The following HIP1 variants were observed in gnomAD, a reference collection of about 807,000 sequenced individuals.
HIP1 encodes huntingtin interacting protein 1.
Under a neutral mutation model 147.6 loss-of-function variants are expected in HIP1, and 65 were observed. The ratio of observed to expected loss-of-function variants is 0.44; its 90% confidence interval spans 0.36 to 0.54. The LOEUF is 0.54. Ranked by LOEUF, HIP1 falls within the 20% of genes least tolerant of loss-of-function variation. HIP1 has a pLI of 0.00. For synonymous variants in HIP1, 479 were observed against 504.0 expected, an observed-to-expected ratio of 0.95 and a Z score of 0.67; for missense variants, 1,061 against 1,299.6, an observed-to-expected ratio of 0.82 and a Z score of 2.82.
chr7:75,664,672 G>A (rs374073549), intron 1 of HIP1, among the ~76,000 whole-genome samples: 1 of 151,998 alleles, frequency 6.6e-6, no homozygotes, highest in African/African-American at 2.4e-5. Flanking sequence ...CCAGGCTGGA[G>A]TGCAGTAGTA....
chr7:75,660,704 TG>T (rs1464723663), intron 1 of HIP1, among the ~76,000 whole-genome samples: 1 of 152,116 alleles, frequency 6.6e-6, no homozygotes, highest in African/African-American at 2.4e-5. Flanking sequence ...GCACGTGGTT[TG>T]TTGGCCTCCT....
chr7:75,553,390 C>G, intron 22 of HIP1, 63 bp downstream of exon 22: 1 of 1,566,336 alleles, frequency 6.4e-7, no homozygotes, highest in South Asian at 1.1e-5. Flanking sequence ...GATTCCCTGG[C>G]CATTCACCAG....
chr7:75,704,370 G>A (rs879959097), intron 1 of HIP1, among the ~76,000 whole-genome samples: 11 of 151,740 alleles, frequency 7.2e-5, no homozygotes, highest in African/African-American at 1.2e-4. Context: ...TCAGCCTCCC[G>A]AGTAGCTGGG....
At position 75,562,222 on chromosome 7, in the gene HIP1, G is replaced by A. The variant is rs1166776444; in HGVS notation, c.1021-52C>T. 1.3e-5 allele frequency: 16 copies of A among 1,194,680 alleles called. No homozygotes were observed. The Admixed American group carries it at 2.7e-4, about 20-fold the overall frequency. The allele number at this position is 1,194,680 out of a possible 1,614,324, so 74.0% of individuals were successfully genotyped here. ...ATAAGTCAGAGAGCCAGAGAATTCT[G>A]TGTGTGGGTCAGTTGAGTGATATGG... On this transcript the variant is annotated intron_variant, in intron 11 of 30. Transcript: ENST00000336926.
intron 1 of HIP1, among the ~76,000 whole-genome samples, chr7:75,683,765 T>G (rs1800169533): frequency 6.6e-6 from 1 of 152,236 alleles, no homozygotes; most frequent in Admixed American, 6.6e-5. Context: ...AAGGGTCTGT[T>G]CTGGTCTCTG....
At chr7:75,615,536 A>G (rs1797623953) in intron 1 of HIP1, among the ~76,000 whole-genome samples, 1 of 151,932 alleles carries the variant, frequency 6.6e-6, no homozygotes, top group South Asian at 2.1e-4. Flanking sequence ...TGAATGACAG[A>G]TGGAGACCCT....
At chr7:75,650,791 C>A (rs1362413893) in intron 1 of HIP1, among the ~76,000 whole-genome samples, 1 of 152,086 alleles carries the variant, frequency 6.6e-6, no homozygotes, top group East Asian at 1.9e-4. Flanking sequence ...GCAGGAAGTA[C>A]CAGCTCAGAG....
At chr7:75,672,542 G>A (rs1218352467) in intron 1 of HIP1, among the ~76,000 whole-genome samples, 1 of 152,028 alleles carries the variant, frequency 6.6e-6, no homozygotes, top group Non-Finnish European at 1.5e-5. Flanking sequence ...TCCCCAGGCT[G>A]GTCTCAAACT....
intron 1 of HIP1, among the ~76,000 whole-genome samples, chr7:75,641,352 G>A (rs1181340490): frequency 1.3e-5 from 2 of 151,920 alleles, no homozygotes; most frequent in Non-Finnish European, 1.5e-5. Context: ...AGAACTCCTG[G>A]ACTCAAGCAA....
chr7:75,542,038 G>A (rs1794343079), intron 28 of HIP1, 58 bp from the exon 29 acceptor site: 8 of 1,401,794 alleles, frequency 5.7e-6, no homozygotes, highest in Middle Eastern at 1.8e-4. Context: ...ACTGGCACCT[G>A]AGAGGCAGCC....
Position 75,534,315 on chromosome 7 carries a change from G to T in HIP1, c.*3857C>A. Reference sequence around the variant, plus strand: ...GACCCGTATTCTGGTGGGATTTTAGGGGTACTGCTATGGACGGCTGCATCA... The same window carrying T: ...GACCCGTATTCTGGTGGGATTTTAGTGGTACTGCTATGGACGGCTGCATCA... On this transcript the variant is annotated 3_prime_UTR_variant, in exon 31 of 31. Transcript: ENST00000336926. 4.5e-6 allele frequency: 1 copy of T among 223,532 alleles called. No individual in the cohort carries two copies. Among genetic ancestry groups the T allele is most frequent in the Non-Finnish European group, 8.9e-6 (1 of 111,994 alleles). The allele number at this position is 223,532 out of a possible 1,614,324, so 13.8% of individuals were successfully genotyped here. A position where few individuals can be genotyped will look rare whatever the true frequency, so the allele number is the denominator to read the frequency against.
intron 1 of HIP1, among the ~76,000 whole-genome samples, chr7:75,709,109 C>CTTTTTTTTTTTTTTTTTTCTTTTTTT (rs55720152): frequency 7.6e-6 from 1 of 131,440 alleles, no homozygotes; most frequent in Non-Finnish European, 1.6e-5. Context: ...TTTTTCTTTT[C>CTTTTTTTTTTTTTTTTTTCTTTTTTT]TTTTTTTTTT....
At chr7:75,630,502 C>G (rs1798176253) in intron 1 of HIP1, among the ~76,000 whole-genome samples, 1 of 150,218 alleles carries the variant, frequency 6.7e-6, no homozygotes, top group Non-Finnish European at 1.5e-5. Context: ...ATCCTGGAAA[C>G]TTTGTTAGCC....
intron 1 of HIP1, chr7:75,626,817 T>A (rs1419159312): frequency 6.6e-6 from 1 of 152,100 alleles, no homozygotes; most frequent in Non-Finnish European, 1.5e-5. Context: ...TTGAATCAAA[T>A]GAAAATTTGG....
intron 4 of HIP1, among the ~76,000 whole-genome samples, chr7:75,590,047 T>G (rs1796445601): frequency 6.6e-6 from 1 of 152,068 alleles, no homozygotes; most frequent in African/African-American, 2.4e-5. Flanking sequence ...ACGACATTCT[T>G]AAACAAGCAA....
At chr7:75,716,695 T>C (rs1200575005) in intron 1 of HIP1, among the ~76,000 whole-genome samples, 1 of 151,574 alleles carries the variant, frequency 6.6e-6, no homozygotes, top group Non-Finnish European at 1.5e-5. Context: ...AATTTTTTTG[T>C]ATTTTTAGTA....
intron 1 of HIP1, among the ~76,000 whole-genome samples, chr7:75,610,376 AT>A (rs1268001274): frequency 1.3e-5 from 2 of 149,662 alleles, no homozygotes; most frequent in Non-Finnish European, 3.0e-5. Flanking sequence ...CACCCAGCTA[AT>A]TTTTTTGTAT....
intron 1 of HIP1, among the ~76,000 whole-genome samples, chr7:75,689,364 G>T (rs965607664): frequency 6.1e-4 from 93 of 151,906 alleles, no homozygotes; most frequent in African/African-American, 2.1e-3. Flanking sequence ...AAATTAGCTG[G>T]GTATGGGAGT....
intron 1 of HIP1, among the ~76,000 whole-genome samples, chr7:75,659,446 C>T (rs1554513256): frequency 6.8e-6 from 1 of 148,142 alleles, no homozygotes; most frequent in African/African-American, 2.5e-5. Flanking sequence ...ATCACTTGAT[C>T]GAGATCAGCC....
Sources: allele counts gnomAD v4.1 joint callset (sites outside exome capture counted in the v4.1 genomes callset), GRCh38; gene constraint gnomAD v4.1.1; transcripts MANE v1.5; gene names NCBI Gene and HGNC (gene_info 2026-07-23, HGNC 2026-07-21).